Variants in PGAP3 observed in about 807,000 individuals in gnomAD.
PGAP3 encodes the protein post-GPI attachment to proteins phospholipase 3, also known as GPI-specific phospholipase A2-like PGAP3.
Under a neutral mutation model 40.3 loss-of-function variants are expected in PGAP3, and 31 were observed. The ratio of observed to expected loss-of-function variants is 0.77; its 90% CI spans 0.58 to 1.04. The LOEUF (loss-of-function observed/expected upper bound fraction) is 1.04. Among genes scored for constraint, PGAP3 ranks in the 50% least tolerant of loss-of-function variants. The probability of loss-of-function intolerance (pLI) is 0.00; values close to 1 mark genes in which losing one functional copy is unlikely to be tolerated. For synonymous variants in PGAP3, 191 were observed against 184.5 expected, an observed-to-expected ratio of 1.04 and a Z score of -0.29; for missense variants, 413 against 423.0, an observed-to-expected ratio of 0.98 and a Z score of 0.21.
At chr17:39,680,737 G>A (rs1037969948) in intron 3 of PGAP3, among the ~76,000 whole-genome samples, 5 of 152,148 alleles carry the variant, frequency 3.3e-5, no homozygotes, top group Non-Finnish European at 1.5e-5. Context: ...TCTGTGTCTG[G>A]CTCATCTTCC....
At chr17:39,682,379 G>T (rs968669692) in intron 3 of PGAP3, among the ~76,000 whole-genome samples, 2 of 151,714 alleles carry the variant, frequency 1.3e-5, no homozygotes, top group African/African-American at 4.8e-5. Context: ...TAGAACGGAG[G>T]CTGCACCAAT....
intron 3 of PGAP3, among the ~76,000 whole-genome samples, chr17:39,684,124 CAAAAAAAAAAAAAAA>C (rs58205601): frequency 6.2e-5 from 4 of 64,396 alleles, no homozygotes; most frequent in Non-Finnish European, 8.0e-5. Context: ...GACTCTGTCT[CAAAAAAAAAAAAAAA>C]AAAAAAAAAA....
intron 3 of PGAP3, among the ~76,000 whole-genome samples, chr17:39,680,327 A>T (rs2057424283): frequency 6.6e-6 from 1 of 152,198 alleles, no homozygotes; most frequent in South Asian, 2.1e-4. Context: ...GGGTACTATG[A>T]GGATGAAATA....
chr17:39,687,810 G>T (rs752197704), intron 1 of PGAP3, 24 bp downstream of exon 1: 2 of 1,371,354 alleles, frequency 1.5e-6, no homozygotes, highest in Admixed American at 5.7e-5. Flanking sequence ...AATGGGCGGG[G>T]CTTACCGTGG....
At chr17:39,680,414 T>C (rs900044372) in intron 3 of PGAP3, among the ~76,000 whole-genome samples, 4 of 151,836 alleles carry the variant, frequency 2.6e-5, no homozygotes, top group African/African-American at 9.7e-5. Context: ...CTGTTATTAA[T>C]AGTTGTTGAA....
rs369388252 is a variant in PGAP3 at position 39,673,064 on chromosome 17, C to T, written c.886G>A (p.Val296Ile). The T allele has an allele frequency of 9.3e-6, 15 of 1,606,498 alleles. No individual in the cohort carries two copies. The highest frequency in any genetic ancestry group is 7.8e-5 in the South Asian group (7 of 89,438). Residue 296 changes from valine (V) to isoleucine (I), a missense_variant, in exon 7 of 8, where the codon GTC (valine) becomes ATC (isoleucine). Transcript: ENST00000300658. Reference protein sequence around the residue: ...IWHISTIPVHVLFFSFLEDDS... With the variant: ...IWHISTIPVHILFFSFLEDDS... Reference sequence around the variant, plus strand: ...GGCAGCACCCACCTGAAAAAGAGGACGTGGACAGGGATGGTGCTGATGTGC... The same window carrying T: ...GGCAGCACCCACCTGAAAAAGAGGATGTGGACAGGGATGGTGCTGATGTGC...
chr17:39,685,493 A>T (rs2057499133), intron 2 of PGAP3, among the ~76,000 whole-genome samples: 1 of 150,386 alleles, frequency 6.6e-6, no homozygotes, highest in Non-Finnish European at 1.5e-5. Flanking sequence ...CTCCATCTCA[A>T]AAAAAAAAAC....
At position 39,673,180 on chromosome 17, in the gene PGAP3, A is replaced by G. The variant is rs2057330375; in HGVS notation, c.770T>C (p.Val257Ala). ...CCCCTGCAGCAGCAAGACCACCACCACGCACTTGCGCACGTGAGGCAGCCG... is the reference window on the plus strand; with the variant it reads ...CCCCTGCAGCAGCAAGACCACCACCGCGCACTTGCGCACGTGAGGCAGCCG... ...QRRLPHVRKC[V>A]VVVLLLQGLS... The change falls in exon 7 of 8, where the codon GTG becomes GCG. Residue 257 changes from valine to alanine, a missense_variant. By Grantham distance (64) the Val-to-Ala change is moderately conservative (BLOSUM62 0). Transcript: ENST00000300658. The G allele has an allele frequency of 2.5e-6, 4 of 1,581,588 alleles. No individual in the cohort carries two copies. Among genetic ancestry groups the G allele is most frequent in the Admixed American group, 1.9e-5 (1 of 53,732 alleles).
intron 3 of PGAP3, among the ~76,000 whole-genome samples, chr17:39,681,532 G>A (rs1367624212): frequency 6.6e-6 from 1 of 151,980 alleles, no homozygotes; most frequent in African/African-American, 2.4e-5. Context: ...TTCTGAGACG[G>A]AGTTTCACTG....
intron 3 of PGAP3, among the ~76,000 whole-genome samples, chr17:39,681,522 TTC>T (rs2057439871): frequency 2.0e-5 from 3 of 152,148 alleles, no homozygotes; most frequent in Admixed American, 2.0e-4. Context: ...CTTTTTTTTT[TTC>T]TGAGACGGAG....
chr17:39,687,685 G>C (rs984400752), intron 1 of PGAP3, 149 bp downstream of exon 1: 6 of 515,132 alleles, frequency 1.2e-5, no homozygotes, highest in African/African-American at 7.9e-5. Flanking sequence ...AGAGAGGCTG[G>C]TAAGGCTCTC....
At chr17:39,680,860 CT>C (rs112398620) in intron 3 of PGAP3, among the ~76,000 whole-genome samples, 234 of 146,030 alleles carry the variant, frequency 1.6e-3, no homozygotes, top group Middle Eastern at 3.5e-3. Context: ...CTATCACTGT[CT>C]TTTTTTTTTT....
chr17:39,687,936 G>A lies in PGAP3; in HGVS notation c.79C>T (p.Pro27Ser), dbSNP rs1440042210. ...TGCAGTACGCAGTCGCGGTACACCG[G>A]CTCACGGTCGCCCTGGGAGCCGCTC... ...LASGSQGDREPVYRDCVLQCE... is the reference protein window; with the variant it reads ...LASGSQGDRESVYRDCVLQCE... Residue 27 changes from proline (P) to serine (S), a missense_variant, in exon 1 of 8, where the codon CCG becomes TCG. Physicochemically the swap from Pro to Ser is moderately conservative, Grantham distance 74 (BLOSUM62 -1). Transcript: ENST00000300658. 6 of 1,487,282 alleles carry A rather than the reference G, an allele frequency of 4.0e-6. No homozygotes were observed. The highest frequency in any genetic ancestry group is 5.4e-6 in the Non-Finnish European group (6 of 1,105,046). The allele number at this position is 1,487,282 out of a possible 1,614,324, so 92.1% of individuals were successfully genotyped here.
intron 3 of PGAP3, among the ~76,000 whole-genome samples, chr17:39,681,585 C>A (rs889932820): frequency 6.6e-6 from 1 of 152,014 alleles, no homozygotes; most frequent in Non-Finnish European, 1.5e-5. Context: ...CTCAGCTCAC[C>A]GCAACCTCCG....
At position 39,676,193 on chromosome 17, in the gene PGAP3, G is replaced by A. The variant is rs184815976; in HGVS notation, c.433-1514C>T. Among the ~76,000 whole-genome samples, 17 of 152,332 alleles carry A rather than the reference G, an allele frequency of 1.1e-4. 1 individual carries two copies. Among genetic ancestry groups the A allele is most frequent in the Admixed American group, 9.1e-4 (14 of 15,308 alleles). On this transcript the variant is annotated intron_variant, in intron 3 of 7. Coordinates refer to ENST00000300658, the MANE Select transcript of PGAP3 (RefSeq NM_033419.5). Reference sequence around the variant, plus strand: ...GCTTAGAGTCAGCATGGGGAGAGGAGCAGGCTTGGGCTGGAGACGGGACCC... The same window carrying A: ...GCTTAGAGTCAGCATGGGGAGAGGAACAGGCTTGGGCTGGAGACGGGACCC...
intron 4 of PGAP3, 122 bp from the exon 5 acceptor site, chr17:39,674,176 C>G: frequency 1.0e-6 from 1 of 963,640 alleles, no homozygotes; most frequent in East Asian, 2.6e-5. Context: ...ATCACTGTTT[C>G]ACTCTGACTG....
chr17:39,681,226 TA>T (rs1417077507), intron 3 of PGAP3, among the ~76,000 whole-genome samples: 1 of 152,164 alleles, frequency 6.6e-6, no homozygotes, highest in Non-Finnish European at 1.5e-5. Flanking sequence ...TTTCCTCATC[TA>T]ATCCACTCTT....
intron 1 of PGAP3, among the ~76,000 whole-genome samples, chr17:39,686,326 G>A (rs566054009): frequency 2.0e-5 from 3 of 152,022 alleles, no homozygotes; most frequent in South Asian, 2.1e-4. Context: ...GTGCGATCTC[G>A]GTTCACTGCA....
At chr17:39,678,079 G>A (rs1454420645) in intron 3 of PGAP3, among the ~76,000 whole-genome samples, 2 of 152,200 alleles carry the variant, frequency 1.3e-5, no homozygotes, top group African/African-American at 4.8e-5. Context: ...GGTGGATGCG[G>A]ATGGGAGAAG....
Sources: gnomAD v4.1 joint callset for allele counts (sites outside exome capture counted in the v4.1 genomes callset) on GRCh38, gnomAD v4.1.1 for gene constraint, MANE v1.5 for transcripts, NCBI Gene and HGNC (gene_info 2026-07-23, HGNC 2026-07-21) for gene names.